The following CEP85L variants were observed in gnomAD, a reference collection of about 807,000 sequenced individuals.
CEP85L encodes the protein centrosomal protein of 85 kDa-like.
Under a neutral mutation model 100.3 loss-of-function variants are expected in CEP85L, and 60 were observed. The observed-to-expected ratio is 0.60, with a 90% CI of 0.49 to 0.74. The LOEUF (loss-of-function observed/expected upper bound fraction) is 0.74. Among genes scored for constraint, CEP85L ranks in the 30% least tolerant of loss-of-function variants. CEP85L has a pLI of 0.00. For synonymous variants in CEP85L, 319 were observed against 322.7 expected (o/e 0.99, Z 0.12); for missense variants, 973 against 936.2 (o/e 1.04, Z -0.51).
chr6:118,559,214 T>C, intron 3 of CEP85L: 1 of 783,758 alleles, frequency 1.3e-6, no homozygotes, highest in South Asian at 1.4e-5. Flanking sequence ...AAGGTCAAGA[T>C]TAAGACTAAA....
chr6:118,675,002 A>G (rs189191544), intron 1 of CEP85L, among the ~76,000 whole-genome samples: 1 of 152,198 alleles, frequency 6.6e-6, no homozygotes, highest in Non-Finnish European at 1.5e-5. Flanking sequence ...AATAACCTAT[A>G]TACAAACATT....
chr6:118,475,347 A>ATT (rs34878583), intron 10 of CEP85L, among the ~76,000 whole-genome samples: 10 of 79,028 alleles, frequency 1.3e-4, no homozygotes, highest in Admixed American at 3.3e-4. Flanking sequence ...TGTAGGTGAC[A>ATT]TTTTTTTTTT....
At position 118,523,837 on chromosome 6, in the gene CEP85L, T is replaced by C; in HGVS notation, c.1104A>G (p.Glu368=). 6.3e-7 allele frequency: 1 copy of C among 1,596,230 alleles called. No individual in the cohort carries two copies. The highest frequency in any genetic ancestry group is 8.6e-7 in the Non-Finnish European group (1 of 1,164,450). The change falls in exon 4 of 13, where the codon GAA becomes GAG. Residue 368 remains glutamate, a synonymous_variant. Transcript: ENST00000368491. Reference sequence around the variant, plus strand: ...CAATTTCTTTCTGCCTTAGAAGTCCTTCTTTTATTTTCAACATTGATTCCC... The same window carrying C: ...CAATTTCTTTCTGCCTTAGAAGTCCCTCTTTTATTTTCAACATTGATTCCC... The part of the protein sequence containing the change: ...SKWESMLKIK[E]GLLRQKEIVI...
At chr6:118,606,703 A>C (rs1017593064) in intron 2 of CEP85L, among the ~76,000 whole-genome samples, 2 of 152,180 alleles carry the variant, frequency 1.3e-5, no homozygotes, top group African/African-American at 4.8e-5. Flanking sequence ...CAAATTTGTT[A>C]CTGACCAGCT....
chr6:118,538,175 A>T (rs1777707426), intron 3 of CEP85L, among the ~76,000 whole-genome samples: 1 of 152,056 alleles, frequency 6.6e-6, no homozygotes, highest in Non-Finnish European at 1.5e-5. Flanking sequence ...CCATTCTATC[A>T]GTCACCCCTT....
At chr6:118,608,106 A>G (rs1006362694) in intron 2 of CEP85L, among the ~76,000 whole-genome samples, 2 of 152,200 alleles carry the variant, frequency 1.3e-5, no homozygotes, top group African/African-American at 4.8e-5. Flanking sequence ...CTGGTCAATT[A>G]TATTACAAAT....
At chr6:118,594,673 G>A (rs755195306) in intron 2 of CEP85L, among the ~76,000 whole-genome samples, 4 of 151,774 alleles carry the variant, frequency 2.6e-5, no homozygotes, top group Non-Finnish European at 5.9e-5. Context: ...TCGAGACCAT[G>A]GTGAAACCCC....
At chr6:118,656,138 C>G (rs1775780439), upstream of CEP85L, among the ~76,000 whole-genome samples, 1 of 152,160 alleles carries the variant, frequency 6.6e-6, no homozygotes, top group Non-Finnish European at 1.5e-5. Context: ...ATATGGTTTT[C>G]TTTAGCTGTA....
chr6:118,614,646 A>G (rs1464454929), intron 2 of CEP85L, among the ~76,000 whole-genome samples: 2 of 152,088 alleles, frequency 1.3e-5, no homozygotes, highest in Admixed American at 1.3e-4. Flanking sequence ...GAGTTCAAGG[A>G]CAGCCTGACC....
At chr6:118,514,524 CAAAAAAA>C (rs561316113) in intron 4 of CEP85L, among the ~76,000 whole-genome samples, 1 of 87,576 alleles carries the variant, frequency 1.1e-5, no homozygotes, top group Non-Finnish European at 2.2e-5. Flanking sequence ...GACACTGTCT[CAAAAAAA>C]AAAAAAAAAA....
At chr6:118,502,377 G>C (rs1185856791) in intron 5 of CEP85L, 7 of 525,074 alleles carry the variant, frequency 1.3e-5, no homozygotes, top group East Asian at 4.3e-5. Context: ...TGTTAAGACA[G>C]ATAGTTTGCT....
At chr6:118,691,410 G>A (rs1477599910) in intron 1 of CEP85L, among the ~76,000 whole-genome samples, 1 of 151,994 alleles carries the variant, frequency 6.6e-6, no homozygotes, top group African/African-American at 2.4e-5. Flanking sequence ...GTGCATGCCT[G>A]TAATCCCAGC....
chr6:118,709,839 C>T (rs182313555), intron 1 of CEP85L, among the ~76,000 whole-genome samples: 2 of 152,068 alleles, frequency 1.3e-5, no homozygotes, highest in East Asian at 1.9e-4. Flanking sequence ...AATCTAGATC[C>T]GAGTACTTTT....
chr6:118,526,283 C>T (rs924136330), intron 3 of CEP85L, among the ~76,000 whole-genome samples: 1 of 152,066 alleles, frequency 6.6e-6, no homozygotes, highest in African/African-American at 2.4e-5. Flanking sequence ...CTGTTTACAC[C>T]ACTGTGCGGA....
At chr6:118,589,046 C>T (rs1247335483) in intron 2 of CEP85L, 4 of 271,292 alleles carry the variant, frequency 1.5e-5, no homozygotes, top group Non-Finnish European at 2.4e-5. Context: ...GCTTCGTCTC[C>T]GAGGTCAGAC....
intron 2 of CEP85L, among the ~76,000 whole-genome samples, chr6:118,579,773 G>A (rs1287862671): frequency 6.6e-6 from 1 of 152,210 alleles, no homozygotes; most frequent in Non-Finnish European, 1.5e-5. Flanking sequence ...TCCTTGGCAA[G>A]TTTCTTTTCT....
intron 5 of CEP85L, among the ~76,000 whole-genome samples, chr6:118,504,529 C>G (rs1775520405): frequency 6.6e-6 from 1 of 152,286 alleles, no homozygotes; most frequent in Admixed American, 6.5e-5. Context: ...TCTCCACATT[C>G]CTTATCTCAT....
At chr6:118,502,233 G>T (rs751729623) in intron 5 of CEP85L, 2 of 630,816 alleles carry the variant, frequency 3.2e-6, no homozygotes, top group East Asian at 2.8e-5. Context: ...CTTATGTACC[G>T]CATTATGACT....
At chr6:118,702,350 A>T (rs1345343603) in intron 1 of CEP85L, among the ~76,000 whole-genome samples, 1 of 151,804 alleles carries the variant, frequency 6.6e-6, no homozygotes, top group African/African-American at 2.4e-5. Flanking sequence ...ATCTCTACAA[A>T]ATATATTTTA....
Sources: allele counts gnomAD v4.1 joint callset (sites outside exome capture counted in the v4.1 genomes callset), GRCh38; gene constraint gnomAD v4.1.1; transcripts MANE v1.5; gene names NCBI Gene and HGNC (gene_info 2026-07-23, HGNC 2026-07-21).